The following NLGN1 variants were observed in gnomAD, a reference collection of about 807,000 sequenced individuals.
NLGN1 encodes neuroligin-1.
A neutral mutation model predicts 65.5 loss-of-function variants in NLGN1; 12 were observed. The ratio of observed to expected loss-of-function variants is 0.18; its 90% CI spans 0.12 to 0.30. NLGN1 has a LOEUF of 0.30. Among genes scored for constraint, NLGN1 ranks in the 10% least tolerant of loss-of-function variants. The pLI, the probability that NLGN1 is intolerant of heterozygous loss-of-function variation, is 1.00. For missense variants in NLGN1, 750 were observed against 1,007.1 expected (o/e 0.74, Z 3.46); for synonymous variants, 350 against 359.5 (o/e 0.97, Z 0.30).
chr3:173,937,383 A>C (rs1300754376), intron 4 of NLGN1, among the ~76,000 whole-genome samples: 3 of 152,114 alleles, frequency 2.0e-5, no homozygotes. Context: ...CTCAGAGAAC[A>C]AATTAATATA....
In NLGN1 at chr3:174,280,943, G is replaced by A; in HGVS notation, c.2112G>A (p.Arg704=). Reference sequence around the variant, plus strand: ...CCCTGTACTACAAAAAGGATAAGAGGAGACATGATGTTCACAGGAGATGCA... The same window carrying A: ...CCCTGTACTACAAAAAGGATAAGAGAAGACATGATGTTCACAGGAGATGCA... Residue 704 remains arginine (R), a synonymous_variant, in exon 7 of 7, where the codon AGG becomes AGA. Transcript: ENST00000457714. This position sits in a 1 kb window ranked among gnomAD's most constrained non-coding sequence, Gnocchi z 4.9. 1 of 1,613,318 alleles carries A rather than the reference G, an allele frequency of 6.2e-7. No homozygotes were observed. Among genetic ancestry groups the A allele is most frequent in the South Asian group, 1.1e-5 (1 of 91,080 alleles).
chr3:174,191,104 C>A (rs1342726414), intron 4 of NLGN1, among the ~76,000 whole-genome samples: 1 of 152,002 alleles, frequency 6.6e-6, no homozygotes, highest in Non-Finnish European at 1.5e-5. Context: ...ATAAAAATGA[C>A]AAGCATTATG....
At chr3:173,580,963 C>G (rs1386503360) in intron 2 of NLGN1, among the ~76,000 whole-genome samples, 1 of 151,902 alleles carries the variant, frequency 6.6e-6, no homozygotes, top group Non-Finnish European at 1.5e-5. Flanking sequence ...AGGAGGTATT[C>G]AATAAGTGTT....
intron 3 of NLGN1, among the ~76,000 whole-genome samples, chr3:173,758,143 A>G (rs1413318167): frequency 6.6e-6 from 1 of 152,078 alleles, no homozygotes; most frequent in Non-Finnish European, 1.5e-5. Context: ...CTCCATGTGC[A>G]TGTAATGAGC....
At chr3:174,094,082 A>G (rs1173840143) in intron 4 of NLGN1, among the ~76,000 whole-genome samples, 2 of 152,204 alleles carry the variant, frequency 1.3e-5, no homozygotes, top group Non-Finnish European at 2.9e-5. Flanking sequence ...AGTGTGCTGT[A>G]TAGTATAGAC....
chr3:173,655,705 A>G (rs1759899298), intron 3 of NLGN1, among the ~76,000 whole-genome samples: 1 of 151,984 alleles, frequency 6.6e-6, no homozygotes, highest in African/African-American at 2.4e-5. Context: ...TACATCTCAA[A>G]TGATTTTAAG....
intron 4 of NLGN1, among the ~76,000 whole-genome samples, chr3:173,974,296 GT>G (rs1393825006): frequency 6.6e-6 from 1 of 150,946 alleles, no homozygotes; most frequent in Non-Finnish European, 1.5e-5. Flanking sequence ...ATTCTCATAT[GT>G]TTTTTCAACA....
intron 3 of NLGN1, among the ~76,000 whole-genome samples, chr3:173,742,277 A>G (rs1183198840): frequency 6.6e-6 from 1 of 152,158 alleles, no homozygotes; most frequent in Non-Finnish European, 1.5e-5. Flanking sequence ...GGATGTGATT[A>G]GGAGAACTCA....
chr3:173,554,461 G>A (rs1462345405), intron 2 of NLGN1, among the ~76,000 whole-genome samples: 1 of 152,058 alleles, frequency 6.6e-6, no homozygotes, highest in Non-Finnish European at 1.5e-5. Flanking sequence ...TCCTCCCATT[G>A]TGCATTTTTT....
At chr3:173,988,861 T>C (rs1409718068) in intron 4 of NLGN1, among the ~76,000 whole-genome samples, 1 of 152,106 alleles carries the variant, frequency 6.6e-6, no homozygotes, top group African/African-American at 2.4e-5. Flanking sequence ...AAACACCTTA[T>C]CAACCTCCCT....
At chr3:173,800,742 A>T (rs1291417144) in intron 3 of NLGN1, among the ~76,000 whole-genome samples, 1 of 151,854 alleles carries the variant, frequency 6.6e-6, no homozygotes, top group African/African-American at 2.4e-5. Flanking sequence ...ATTTTCCCGA[A>T]TATTAAAATG....
chr3:174,250,579 G>A (rs746588158), intron 4 of NLGN1, among the ~76,000 whole-genome samples: 1 of 152,102 alleles, frequency 6.6e-6, no homozygotes, highest in Non-Finnish European at 1.5e-5. Flanking sequence ...AAGACTCTGA[G>A]GTCTGGAAAA....
chr3:174,254,706 CCA>C lies in NLGN1; in HGVS notation c.647-20608_647-20607del, dbSNP rs1331592453. On this transcript the variant is annotated intron_variant, in intron 4 of 6. Transcript: ENST00000457714. ...TCTACCAATACAAAAAAAATTGGGTCCAGTTTTTCCTTTCCTTTAGAAATATA... is the reference window on the plus strand; with the variant it reads ...TCTACCAATACAAAAAAAATTGGGTCGTTTTTCCTTTCCTTTAGAAATATA... Among the ~76,000 whole-genome samples, 7 of 152,098 alleles carry C rather than the reference CCA, an allele frequency of 4.6e-5. No homozygotes were observed. In the South Asian group the frequency reaches 1.5e-3, roughly 32 times the overall value.
chr3:173,573,351 G>A (rs1396980073), intron 2 of NLGN1, among the ~76,000 whole-genome samples: 1 of 152,048 alleles, frequency 6.6e-6, no homozygotes, highest in Non-Finnish European at 1.5e-5. Context: ...ACAAATGAGA[G>A]TTGATATTAT....
Position 173,911,086 on chromosome 3 carries a change from A to T in NLGN1, c.646+103254A>T, listed in dbSNP as rs1231697806. The stretch of plus-strand genomic sequence containing the variant: ...GACTAAATTTGTGAAAAATCTCCTA[A>T]ACTCACTGTACTTGCAGAAAGAAAA... On this transcript the variant is annotated intron_variant, in intron 4 of 6. Transcript: ENST00000457714. Among the ~76,000 whole-genome samples, 4 of 152,206 alleles carry T rather than the reference A, an allele frequency of 2.6e-5. No homozygotes were observed. The East Asian group carries it at 7.7e-4, about 29-fold the overall frequency.
intron 2 of NLGN1, among the ~76,000 whole-genome samples, chr3:173,487,835 TTA>T (rs1728416678): frequency 6.6e-6 from 1 of 152,028 alleles, no homozygotes; most frequent in African/African-American, 2.4e-5. Flanking sequence ...TTCTCCGTTG[TTA>T]TGTTTTAATA....
intron 4 of NLGN1, among the ~76,000 whole-genome samples, chr3:174,176,966 A>G (rs1729566801): frequency 6.6e-6 from 1 of 152,074 alleles, no homozygotes; most frequent in African/African-American, 2.4e-5. Context: ...GAACACATCA[A>G]ATAAAGAGTT....
rs1285256396 is a variant in NLGN1 at position 173,420,012 on chromosome 3, T to TAA, written c.-389-14997_-389-14996dup. Among the ~76,000 whole-genome samples the TAA allele has an allele frequency of 1.4e-3, 206 of 149,284 alleles. 1 individual carries two copies. The highest frequency in any genetic ancestry group is 5.1e-3 in the African/African-American group (200 of 39,278). ...TAAAATAAAATAAAGTAAAATAAAA[T>TAA]AATAGTGACCCCTGACCTTTTTTGT... On this transcript the variant is annotated intron_variant, in intron 1 of 6. Coordinates refer to ENST00000457714, the Ensembl canonical transcript of NLGN1.
At chr3:173,773,818 A>G (rs1021845092) in intron 3 of NLGN1, among the ~76,000 whole-genome samples, 2 of 152,222 alleles carry the variant, frequency 1.3e-5, no homozygotes, top group Admixed American at 6.5e-5. Flanking sequence ...TGAAGTAAAC[A>G]AAACATGGTA....
Sources: gnomAD v4.1 joint callset for allele counts (sites outside exome capture counted in the v4.1 genomes callset) on GRCh38, gnomAD v4.1.1 for gene constraint, Gnocchi (gnomAD v3.1) non-coding constraint, MANE v1.5 for transcripts, NCBI Gene and HGNC (gene_info 2026-07-23, HGNC 2026-07-21) for gene names.